Variants in CFAP47 observed in about 807,000 individuals in gnomAD.
CFAP47 encodes cilia and flagella associated protein 47, also known as cilia- and flagella-associated protein 47.
CFAP47 carries 29 observed loss-of-function variants against 148.1 expected under a neutral mutation model. That is an observed-to-expected ratio of 0.20 (90% CI 0.15 to 0.27). The LOEUF (loss-of-function observed/expected upper bound fraction) is 0.27. CFAP47 is among the 10% of genes least tolerant of loss of function. The pLI is 1.00. For synonymous variants in CFAP47, 664 were observed against 577.3 expected, an observed-to-expected ratio of 1.15 and a Z score of -2.15; for missense variants, 1,872 against 1,697.5, an observed-to-expected ratio of 1.10 and a Z score of -1.81.
intron 48 of CFAP47, among the ~76,000 whole-genome samples, chrX:36,249,810 C>G (rs1165860047): frequency 1.8e-5 from 2 of 110,622 alleles, no homozygotes; most frequent in African/African-American, 6.5e-5. Flanking sequence ...TGATTATACA[C>G]CAACATAGAA....
intron 57 of CFAP47, among the ~76,000 whole-genome samples, chrX:36,332,872 G>A (rs1253383957): frequency 7.1e-5 from 8 of 112,186 alleles, no homozygotes; most frequent in African/African-American, 2.6e-4. Flanking sequence ...TGTTATTAGT[G>A]AGGGCTAAAT....
chrX:36,271,443 A>T, intron 49 of CFAP47, among the ~76,000 whole-genome samples: 1 of 111,331 alleles, frequency 9.0e-6, no homozygotes, highest in African/African-American at 3.3e-5. Context: ...GCTTTGCCAG[A>T]TTTACCCATT....
At position 36,100,418 on chromosome X, in the gene CFAP47, T is replaced by C. The variant is rs141997816; in HGVS notation, c.5127+539T>C. On this transcript the variant is annotated intron_variant, in intron 32 of 63. Coordinates refer to ENST00000378653, the MANE Select transcript of CFAP47 (RefSeq NM_001304548.2). ...CATACAACTATAGGCAAAAGGTTTT[T>C]ATGAGATTCTCGAACTTACTTCCTG... is the stretch of plus-strand genomic sequence containing the variant. Among the ~76,000 whole-genome samples the C allele has an allele frequency of 1.2e-3, 135 of 112,393 alleles. 1 individual carries two copies. The highest frequency in any genetic ancestry group is 2.3e-3 in the Non-Finnish European group (124 of 53,298).
chrX:36,054,909 A>G (rs1937542011), intron 26 of CFAP47, among the ~76,000 whole-genome samples: 1 of 109,317 alleles, frequency 9.1e-6, no homozygotes, highest in South Asian at 4.0e-4. Context: ...AGTACCTGGG[A>G]CTACAGGCGC....
chrX:36,265,416 C>T (rs1384424098), intron 49 of CFAP47, among the ~76,000 whole-genome samples: 2 of 111,730 alleles, frequency 1.8e-5, no homozygotes, highest in African/African-American at 3.3e-5. Context: ...TGTTTGATTG[C>T]TCTGGCTAGG....
intron 1 of CFAP47, among the ~76,000 whole-genome samples, chrX:35,924,020 C>A (rs1204164310): frequency 1.3e-5 from 1 of 77,725 alleles, no homozygotes. Context: ...AATATATATG[C>A]ACATATATAT....
intron 56 of CFAP47, among the ~76,000 whole-genome samples, chrX:36,316,144 G>A (rs1179000413): frequency 8.9e-6 from 1 of 111,912 alleles, no homozygotes; most frequent in Non-Finnish European, 1.9e-5. Context: ...CTCACTAACT[G>A]TTCACCTAGT....
chrX:36,097,327 A>G (rs747205265), intron 30 of CFAP47, among the ~76,000 whole-genome samples: 174 of 110,884 alleles, frequency 1.6e-3, no homozygotes, highest in Non-Finnish European at 2.6e-3. Context: ...TGTACTTACT[A>G]TTGCCTTTGA....
At chrX:36,038,142 T>C (rs1486608441) in intron 24 of CFAP47, among the ~76,000 whole-genome samples, 1 of 111,903 alleles carries the variant, frequency 8.9e-6, no homozygotes, top group African/African-American at 3.2e-5. Context: ...CTTTTGCTTC[T>C]AGCACTAAGT....
At chrX:35,958,018 T>C (rs1319933715) in intron 8 of CFAP47, among the ~76,000 whole-genome samples, 1 of 111,704 alleles carries the variant, frequency 9.0e-6, no homozygotes, top group Non-Finnish European at 1.9e-5. Context: ...AGAAACTCCA[T>C]GTCCATTAAC....
In CFAP47 at chrX:36,371,910, G is replaced by GTGTGCATATACACACA. The variant is rs1941966579; in HGVS notation, c.9185+4787_9185+4788insCATATACACACATGTG. On this transcript the variant is annotated intron_variant, in intron 62 of 63. Transcript: ENST00000378653. ...TGCATATACACACATGTGTATATAT[G>GTGTGCATATACACACA]TGTGTATATATGTGTATATACACAC... Among the ~76,000 whole-genome samples the GTGTGCATATACACACA allele has an allele frequency of 2.5e-4, 19 of 75,557 alleles. 2 individuals carry two copies. Among genetic ancestry groups the GTGTGCATATACACACA allele is most frequent in the African/African-American group, 1.2e-3 (17 of 13,673 alleles). 65.6% of individuals were successfully genotyped at this position (75,557 alleles called of 115,157 possible).
At chrX:36,155,153 C>T (rs1404528715) in intron 37 of CFAP47, among the ~76,000 whole-genome samples, 1 of 110,672 alleles carries the variant, frequency 9.0e-6, no homozygotes, top group Non-Finnish European at 1.9e-5. Flanking sequence ...TATCTCATGA[C>T]ATCCTGTTCT....
At chrX:36,169,335 T>A (rs1242487488) in intron 39 of CFAP47, among the ~76,000 whole-genome samples, 1 of 110,880 alleles carries the variant, frequency 9.0e-6, no homozygotes, top group Non-Finnish European at 1.9e-5. Flanking sequence ...GAAGTATTCA[T>A]TCTTTATTTT....
intron 48 of CFAP47, among the ~76,000 whole-genome samples, chrX:36,238,607 A>G (rs1940502715): frequency 9.0e-6 from 1 of 111,520 alleles, no homozygotes; most frequent in Non-Finnish European, 1.9e-5. Context: ...TACCTTCTTA[A>G]TGTTATTCAC....
At chrX:36,221,194 T>C (rs1010973057) in intron 45 of CFAP47, among the ~76,000 whole-genome samples, 2 of 111,371 alleles carry the variant, frequency 1.8e-5, no homozygotes, top group Non-Finnish European at 3.8e-5. Context: ...GTAGAAATAA[T>C]GATAAGAATA....
chrX:36,170,799 T>G (rs1164472814), intron 39 of CFAP47, among the ~76,000 whole-genome samples: 1 of 108,700 alleles, frequency 9.2e-6, no homozygotes, highest in African/African-American at 3.4e-5. Context: ...TATAGTCCTT[T>G]GGGTATATAC....
chrX:36,036,958 TA>T, intron 24 of CFAP47, among the ~76,000 whole-genome samples: 1 of 112,577 alleles, frequency 8.9e-6, no homozygotes, highest in East Asian at 2.8e-4. Flanking sequence ...TTAGTAGGCT[TA>T]AAAATGTTTA....
intron 62 of CFAP47, chrX:36,375,150 T>C (rs782664598): frequency 6.1e-6 from 2 of 327,289 alleles, no homozygotes; most frequent in Non-Finnish European, 1.1e-5. Context: ...TTGATACTTT[T>C]GAGAGCATCA....
At chrX:36,304,088 T>C (rs1355186377) in intron 54 of CFAP47, 128 bp downstream of exon 54, 3 of 380,214 alleles carry the variant, frequency 7.9e-6, no homozygotes, top group African/African-American at 2.7e-5. Flanking sequence ...AATTTAAGAA[T>C]TGAATTTTAT....
Sources: allele counts gnomAD v4.1 joint callset (sites outside exome capture counted in the v4.1 genomes callset), GRCh38; gene constraint gnomAD v4.1.1; transcripts MANE v1.5; gene names NCBI Gene and HGNC (gene_info 2026-07-23, HGNC 2026-07-21).